The following KCNAB3 variants were observed in gnomAD, a reference collection of about 807,000 sequenced individuals.
KCNAB3 encodes the protein potassium voltage-gated channel subfamily A regulatory beta subunit 3.
In KCNAB3, 62 loss-of-function variants were observed where a neutral mutation model predicts 67.7. The ratio of observed to expected loss-of-function variants is 0.92; its 90% CI spans 0.75 to 1.13. KCNAB3 has a LOEUF of 1.13. KCNAB3 is among the 50% of genes most tolerant of loss of function. The pLI is 0.00. For missense variants in KCNAB3, 514 were observed against 522.9 expected, an observed-to-expected ratio of 0.98 and a Z score of 0.17; for synonymous variants, 212 against 205.4, an observed-to-expected ratio of 1.03 and a Z score of -0.27.
Position 7,926,046 on chromosome 17 carries a change from A to C in KCNAB3, c.449+13T>G. The C allele has an allele frequency of 6.2e-7, 1 of 1,614,172 alleles. No individual in the cohort carries two copies. On this transcript the variant is annotated intron_variant, in intron 5 of 13. Coordinates refer to ENST00000303790, the MANE Select transcript of KCNAB3 (RefSeq NM_004732.4). Reference sequence around the variant, plus strand: ...GTGATCACATCCCCAGCAACCCCCCAAAACAGTCTCACCTCCAACCTTTGC... The same window carrying C: ...GTGATCACATCCCCAGCAACCCCCCCAAACAGTCTCACCTCCAACCTTTGC...
chr17:7,925,188 A>T lies in KCNAB3; in HGVS notation c.539-5T>A. The T allele has an allele frequency of 6.2e-7, 1 of 1,608,836 alleles. No individual in the cohort carries two copies. Among genetic ancestry groups the T allele is most frequent in the Non-Finnish European group, 8.5e-7 (1 of 1,176,662 alleles). ...GTTCCAGGGATCCTCGCAAGCCTGG[A>T]GGTGGGGTAGGGAGAAGAAAATAAG... On this transcript the variant is annotated splice_region_variant and splice_polypyrimidine_tract_variant and intron_variant, in intron 7 of 13. Transcript: ENST00000303790.
rs755199562 is a variant in KCNAB3 at position 7,927,424 on chromosome 17, C to T, written c.325-1G>A. The T allele has an allele frequency of 1.2e-6, 2 of 1,613,868 alleles. No individual in the cohort carries two copies. The highest frequency in any genetic ancestry group is 1.7e-6 in the Non-Finnish European group (2 of 1,179,930). The stretch of plus-strand genomic sequence containing the variant: ...CTACAGTCAGCACATCCTCTGCTGT[C>T]TAGGGAGGTGAAAGAGGTAAAGATC... On this transcript the variant is annotated splice_acceptor_variant, in intron 3 of 13. Coordinates refer to ENST00000303790, the MANE Select transcript of KCNAB3 (RefSeq NM_004732.4). LOFTEE classifies it high-confidence loss of function.
At position 7,924,080 on chromosome 17, in the gene KCNAB3, G is replaced by T. The variant is rs770369504; in HGVS notation, c.833-18C>A. On this transcript the variant is annotated intron_variant, in intron 10 of 13. Coordinates refer to ENST00000303790, the MANE Select transcript of KCNAB3 (RefSeq NM_004732.4). ...TCCAACTCCTAAGGGAAGAACACTG[G>T]GTGTCAGGAAAAGGACCTAGCCATG... is the stretch of plus-strand genomic sequence containing the variant. 1.9e-6 allele frequency: 3 copies of T among 1,614,030 alleles called. No homozygotes were observed. Among genetic ancestry groups the T allele is most frequent in the African/African-American group, 2.7e-5 (2 of 74,886 alleles).
At position 7,929,790 on chromosome 17, in the gene KCNAB3, GCCA is replaced by G; in HGVS notation, c.-358_-356del. ...GGGGGAAGCGGGGCGGGAGAGAGAT[GCCA>G]CTTCAGCGCGAACCGCTGCGGGACC... On this transcript the variant is annotated 5_prime_UTR_variant, in exon 1 of 14. Coordinates refer to ENST00000303790, the MANE Select transcript of KCNAB3 (RefSeq NM_004732.4). The surrounding 1 kb of genome is among the most constrained non-coding windows in gnomAD (Gnocchi z 5.7). 1.4e-4 allele frequency: 156 copies of G among 1,134,566 alleles called. No individual in the cohort carries two copies. Among genetic ancestry groups the G allele is most frequent in the Admixed American group, 8.2e-4 (17 of 20,826 alleles). The allele number at this position is 1,134,566 out of a possible 1,614,324, so 70.3% of individuals were successfully genotyped here. A position where few individuals can be genotyped will look rare whatever the true frequency, so the allele number is the denominator to read the frequency against.
chr17:7,923,618 G>A (rs1972122201), intron 12 of KCNAB3, 74 bp from the exon 13 acceptor site: 4 of 1,554,042 alleles, frequency 2.6e-6, no homozygotes, highest in Non-Finnish European at 3.5e-6. Context: ...TGTCTCTGAA[G>A]ACAAGCGTCC....
chr17:7,927,997 C>A, intron 1 of KCNAB3, 171 bp from the exon 2 acceptor site: 8 of 712,536 alleles, frequency 1.1e-5, no homozygotes, highest in Non-Finnish European at 1.9e-5. Context: ...GAGCAGAGGT[C>A]CTAGGAATTT....
intron 6 of KCNAB3, 26 bp from the exon 7 acceptor site, chr17:7,925,752 G>A (rs1384027646): frequency 6.2e-7 from 1 of 1,613,838 alleles, no homozygotes; most frequent in African/African-American, 1.3e-5. Context: ...AGTCAAAGAT[G>A]AGATGTGACA....
Position 7,927,808 on chromosome 17 carries a change from A to C in KCNAB3, c.261T>G (p.Gly87=), listed in dbSNP as rs1972285984. The change falls in exon 2 of 14, where the codon GGT becomes GGG. Residue 87 remains glycine (G), a synonymous_variant. Coordinates refer to ENST00000303790, the MANE Select transcript of KCNAB3 (RefSeq NM_004732.4). ...CTAGGCCAAGACAGGATACCCGAAG[A>C]CCAGACTTCCCTAGGTTCCTGCAAG... ...GMKYRNLGKS[G]LRVSCLGLGT... 2 of 1,614,128 alleles carry C rather than the reference A, an allele frequency of 1.2e-6. No homozygotes were observed. Among genetic ancestry groups the C allele is most frequent in the Non-Finnish European group, 1.7e-6 (2 of 1,180,006 alleles).
At chr17:7,924,605 G>A (rs1367765714) in intron 8 of KCNAB3, 105 bp from the exon 9 acceptor site, 2 of 1,464,312 alleles carry the variant, frequency 1.4e-6, no homozygotes, top group Non-Finnish European at 1.8e-6. Flanking sequence ...GCAACTCTAT[G>A]GAGTCATGAA....
In KCNAB3 at chr17:7,929,821, C is replaced by CAT; in HGVS notation, c.-387_-386insAT. ...TCAGCGCGAACCGCTGCGGGACCCGCTGGGCTCCCAGCCGCGTCGGCAGCG... is the reference window on the plus strand; with the variant it reads ...TCAGCGCGAACCGCTGCGGGACCCGCATTGGGCTCCCAGCCGCGTCGGCAGCG... On this transcript the variant is annotated 5_prime_UTR_variant, in exon 1 of 14. The change creates a new upstream start codon in the 5' untranslated region. Coordinates refer to ENST00000303790, the MANE Select transcript of KCNAB3 (RefSeq NM_004732.4). The surrounding 1 kb of genome is among the most constrained non-coding windows in gnomAD (Gnocchi z 5.7). 9.4e-7 allele frequency: 1 copy of CAT among 1,068,912 alleles called. No homozygotes were observed. The allele number at this position is 1,068,912 out of a possible 1,614,324, so 66.2% of individuals were successfully genotyped here.
In KCNAB3 at chr17:7,923,851, A is replaced by C. The variant is rs1347410580; in HGVS notation, c.928-20T>G. 5 of 1,565,332 alleles carry C rather than the reference A, an allele frequency of 3.2e-6. No homozygotes were observed. Among genetic ancestry groups the C allele is most frequent in the Non-Finnish European group, 4.3e-6 (5 of 1,155,244 alleles). ...GTAGCCCTGGAGGCCAAGAAGAATC[A>C]ACAGAAGACCCCGCCATCACCACCA... On this transcript the variant is annotated intron_variant, in intron 11 of 13. Transcript: ENST00000303790.
Position 7,924,499 on chromosome 17 carries a change from C to T in KCNAB3, c.627G>A (p.Glu209=), listed in dbSNP as rs765330958. Residue 209 remains glutamate (E), a splice_region_variant and synonymous_variant, in exon 9 of 14, where the codon GAG becomes GAA. Coordinates refer to ENST00000303790, the MANE Select transcript of KCNAB3 (RefSeq NM_004732.4). ...NRSDPNCPME[E]IVRAMTYVIN... ...TGACATAGGTCATGGCTCGCACAAT[C>T]TCTAGGTACACAGGAGAGGGAAAGC... 9.3e-6 allele frequency: 15 copies of T among 1,613,188 alleles called. No individual in the cohort carries two copies. The Admixed American group carries it at 2.3e-4, about 25-fold the overall frequency.
In KCNAB3 at chr17:7,923,492, A is replaced by G; in HGVS notation, c.1101T>C (p.Ser367=). 1 of 1,612,548 alleles carries G rather than the reference A, an allele frequency of 6.2e-7. No individual in the cohort carries two copies. The highest frequency in any genetic ancestry group is 8.5e-7 in the Non-Finnish European group (1 of 1,179,390). The change falls in exon 13 of 14, where the codon AGT becomes AGC. Residue 367 remains serine (S), a synonymous_variant. Coordinates refer to ENST00000303790, the MANE Select transcript of KCNAB3 (RefSeq NM_004732.4). ...CCAGGTGTTCTATCAACTGCTCCGCACTCGACACCCCCAGCAAGACAGAGC... is the reference window on the plus strand; with the variant it reads ...CCAGGTGTTCTATCAACTGCTCCGCGCTCGACACCCCCAGCAAGACAGAGC... The part of the protein sequence containing the change: ...GVSSVLLGVS[S]AEQLIEHLGA...
At chr17:7,923,331 C>T (rs1972107039) in intron 13 of KCNAB3, 125 bp downstream of exon 13, 2 of 1,244,378 alleles carry the variant, frequency 1.6e-6, no homozygotes, top group Non-Finnish European at 2.3e-6. Flanking sequence ...GGCCCTGGGA[C>T]CTCTCACCTG....
Position 7,923,037 on chromosome 17 carries a change from G to A in KCNAB3, c.*65C>T, listed in dbSNP as rs1972089466. The A allele has an allele frequency of 2.7e-6, 4 of 1,480,262 alleles. No individual in the cohort carries two copies. Among genetic ancestry groups the A allele is most frequent in the African/African-American group, 1.4e-5 (1 of 72,274 alleles). 91.7% of individuals were successfully genotyped at this position (1,480,262 alleles called of 1,614,324 possible). ...GGAGGGATCCGGAGCGGGAGAGGCGGCTGCGAGGAGCGGGGCTCGGGCGGG... is the reference window on the plus strand; with the variant it reads ...GGAGGGATCCGGAGCGGGAGAGGCGACTGCGAGGAGCGGGGCTCGGGCGGG... On this transcript the variant is annotated 3_prime_UTR_variant, in exon 14 of 14. Transcript: ENST00000303790.
chr17:7,926,140 T>G, intron 4 of KCNAB3, 37 bp from the exon 5 acceptor site: 10 of 1,612,322 alleles, frequency 6.2e-6, no homozygotes, highest in Middle Eastern at 1.7e-4. Context: ...TGATCCCTTC[T>G]AGGCCAATCA....
chr17:7,928,955 G>T lies in KCNAB3; in HGVS notation c.242+239C>A, dbSNP rs771429568. 3.3e-6 allele frequency: 2 copies of T among 597,500 alleles called. 1 individual carries two copies. Among genetic ancestry groups the T allele is most frequent in the Non-Finnish European group, 5.8e-6 (2 of 346,800 alleles). The allele number at this position is 597,500 out of a possible 1,614,324, so 37.0% of individuals were successfully genotyped here. On this transcript the variant is annotated intron_variant, in intron 1 of 13. Transcript: ENST00000303790. The stretch of plus-strand genomic sequence containing the variant: ...CCAGGGGTAAGGAGGGAAGCTCAGG[G>T]GCATCCCCTGGGTCTGACAGGACCC...
Position 7,929,821 on chromosome 17 carries a change from C to CATATT in KCNAB3, c.-387_-386insAATAT. On this transcript the variant is annotated 5_prime_UTR_variant, in exon 1 of 14. It adds an upstream start codon to the 5' untranslated region. Coordinates refer to ENST00000303790, the MANE Select transcript of KCNAB3 (RefSeq NM_004732.4). This position sits in a 1 kb window ranked among gnomAD's most constrained non-coding sequence, Gnocchi z 5.7. ...TCAGCGCGAACCGCTGCGGGACCCGCTGGGCTCCCAGCCGCGTCGGCAGCG... is the reference window on the plus strand; with the variant it reads ...TCAGCGCGAACCGCTGCGGGACCCGCATATTTGGGCTCCCAGCCGCGTCGGCAGCG... The CATATT allele has an allele frequency of 9.4e-7, 1 of 1,068,908 alleles. No individual in the cohort carries two copies. The allele number at this position is 1,068,908 out of a possible 1,614,324, so 66.2% of individuals were successfully genotyped here.
chr17:7,925,547 AAAAAG>A lies in KCNAB3; in HGVS notation c.538+131_538+135del, dbSNP rs1972198277. The A allele has an allele frequency of 4.5e-4, 349 of 774,380 alleles. 2 individuals are homozygous for A. The highest frequency in any genetic ancestry group is 1.2e-3 in the Admixed American group (53 of 42,720). 48.0% of individuals were successfully genotyped at this position (774,380 alleles called of 1,614,324 possible). ...TCCGTCTCAAAAAAAAAAAAAAAAA[AAAAAG>A]AATTCAGACCTTGCCCCCTTGCCAT... is the stretch of plus-strand genomic sequence containing the variant. On this transcript the variant is annotated intron_variant, in intron 7 of 13. Coordinates refer to ENST00000303790, the MANE Select transcript of KCNAB3 (RefSeq NM_004732.4).
Sources: allele counts gnomAD v4.1 joint callset, GRCh38; gene constraint gnomAD v4.1.1; non-coding constraint Gnocchi (gnomAD v3.1); transcripts MANE v1.5; gene names NCBI Gene and HGNC (gene_info 2026-07-23, HGNC 2026-07-21).